PCNX1: variants seen among roughly 807,000 people sequenced by gnomAD.
PCNX1 encodes pecanex 1.
A neutral mutation model predicts 242.2 loss-of-function variants in PCNX1; 78 were observed. That is an observed-to-expected ratio of 0.32 (90% CI 0.27 to 0.39). The LOEUF is 0.39. PCNX1 is among the 10% of genes least tolerant of loss of function. The pLI is 1.00. For missense variants in PCNX1, 2,581 were observed against 2,856.5 expected, an observed-to-expected ratio of 0.90 and a Z score of 2.20; for synonymous variants, 1,024 against 1,032.9, an observed-to-expected ratio of 0.99 and a Z score of 0.17.
chr14:70,991,327 C>T (rs2059159744), intron 7 of PCNX1, among the ~76,000 whole-genome samples: 1 of 151,834 alleles, frequency 6.6e-6, no homozygotes, highest in African/African-American at 2.4e-5. Flanking sequence ...GGCTCAGCCT[C>T]CTGAGTAGCT....
At chr14:70,979,442 C>T (rs990398291) in intron 6 of PCNX1, among the ~76,000 whole-genome samples, 1 of 150,826 alleles carries the variant, frequency 6.6e-6, no homozygotes, top group African/African-American at 2.4e-5. Context: ...TTATTTCTTG[C>T]TGTGTTCTTC....
rs755088330 is a variant in PCNX1 at position 71,103,612 on chromosome 14, T to C, written c.6038T>C (p.Leu2013Pro). Residue 2013 changes from leucine (L) to proline (P), a missense_variant, in exon 32 of 36, where the codon CTT becomes CCT. By Grantham distance (98) the Leu-to-Pro change is moderately conservative. Transcript: ENST00000304743. ...SDSHEQLKDILGGPISLGNIR... is the reference protein window; with the variant it reads ...SDSHEQLKDIPGGPISLGNIR... ...AGCCACGAACAGCTTAAAGACATTC[T>C]TGGGGGTCCTATCAGCTTGGGAAAT... The C allele has an allele frequency of 1.2e-6, 2 of 1,614,186 alleles. No homozygotes were observed. The highest frequency in any genetic ancestry group is 4.5e-5 in the East Asian group (2 of 44,878).
chr14:70,986,862 T>G (rs2059016701), intron 6 of PCNX1, among the ~76,000 whole-genome samples: 1 of 152,198 alleles, frequency 6.6e-6, no homozygotes, highest in East Asian at 1.9e-4. Flanking sequence ...GCATAATAGT[T>G]TGTAACAACT....
chr14:71,017,328 T>A (rs1160872134), intron 11 of PCNX1, among the ~76,000 whole-genome samples: 1 of 152,068 alleles, frequency 6.6e-6, no homozygotes, highest in East Asian at 1.9e-4. Flanking sequence ...TTTCAACAAA[T>A]GGTGGTGGAA....
intron 8 of PCNX1, among the ~76,000 whole-genome samples, chr14:70,996,949 A>G (rs1187727897): frequency 6.6e-6 from 1 of 152,144 alleles, no homozygotes; most frequent in Non-Finnish European, 1.5e-5. Context: ...ATATCGATGA[A>G]AAGTGTCATG....
chr14:71,050,477 C>A (rs1456535515), intron 22 of PCNX1, among the ~76,000 whole-genome samples, 175 bp from the exon 23 acceptor site: 1 of 152,026 alleles, frequency 6.6e-6, no homozygotes, highest in Non-Finnish European at 1.5e-5. Flanking sequence ...GAAATAAGTG[C>A]AGTGTTTAGG....
At chr14:70,968,073 T>G in intron 3 of PCNX1, 125 bp from the exon 4 acceptor site, 1 of 736,664 alleles carries the variant, frequency 1.4e-6, no homozygotes, top group African/African-American at 1.8e-5. Flanking sequence ...TCTTCTAATA[T>G]TGATAAAAAT....
At chr14:71,035,083 G>A (rs2060491820) in intron 18 of PCNX1, among the ~76,000 whole-genome samples, 1 of 152,130 alleles carries the variant, frequency 6.6e-6, no homozygotes, top group Non-Finnish European at 1.5e-5. Flanking sequence ...GTGGTGGTGT[G>A]TGCCTGTAAT....
At chr14:71,006,264 T>C (rs1295083796) in intron 8 of PCNX1, among the ~76,000 whole-genome samples, 1 of 152,024 alleles carries the variant, frequency 6.6e-6, no homozygotes, top group Non-Finnish European at 1.5e-5. Flanking sequence ...TGAGATTTAC[T>C]GGCATGAGCT....
At chr14:70,983,623 T>C (rs759102724) in intron 6 of PCNX1, among the ~76,000 whole-genome samples, 1 of 151,638 alleles carries the variant, frequency 6.6e-6, no homozygotes, top group East Asian at 1.9e-4. Flanking sequence ...ATTTTGTTAC[T>C]GTTTGCTCTG....
chr14:71,027,783 G>T (rs2060276967), intron 15 of PCNX1, among the ~76,000 whole-genome samples: 1 of 151,938 alleles, frequency 6.6e-6, no homozygotes, highest in African/African-American at 2.4e-5. Flanking sequence ...TTTTGAAGGG[G>T]TATGAATTAA....
chr14:70,978,717 C>A, intron 6 of PCNX1, 69 bp downstream of exon 6: 1 of 1,321,072 alleles, frequency 7.6e-7, no homozygotes, highest in Non-Finnish European at 1.0e-6. Context: ...TAGAGTAGTA[C>A]TTACTAAAAT....
chr14:71,036,241 C>T (rs1566730082), intron 19 of PCNX1, 84 bp downstream of exon 19: 10 of 851,282 alleles, frequency 1.2e-5, no homozygotes, highest in Admixed American at 3.6e-5. Context: ...TGCAGTGTTG[C>T]GATCACAGTT....
At chr14:71,059,449 T>A (rs947502250) in intron 26 of PCNX1, among the ~76,000 whole-genome samples, 75 of 152,220 alleles carry the variant, frequency 4.9e-4, no homozygotes, top group African/African-American at 1.8e-3. Flanking sequence ...AGTGGCGTGA[T>A]CACAGCTCAC....
At chr14:71,085,612 G>GA (rs1416422095) in intron 28 of PCNX1, 2 of 155,382 alleles carry the variant, frequency 1.3e-5, no homozygotes, top group Admixed American at 1.3e-4. Context: ...TTCGAGGGGA[G>GA]GTATGCAATC....
At chr14:70,928,134 C>T (rs1428820022) in intron 1 of PCNX1, among the ~76,000 whole-genome samples, 1 of 151,928 alleles carries the variant, frequency 6.6e-6, no homozygotes, top group Non-Finnish European at 1.5e-5. Context: ...TTTGTGCTTG[C>T]TTATTATACT....
chr14:70,964,850 G>A (rs1187007599), intron 3 of PCNX1, among the ~76,000 whole-genome samples: 1 of 152,104 alleles, frequency 6.6e-6, no homozygotes, highest in Non-Finnish European at 1.5e-5. Flanking sequence ...TGTGCTACTT[G>A]GATTTTAGTG....
At chr14:70,997,969 C>T (rs896297873) in intron 8 of PCNX1, among the ~76,000 whole-genome samples, 1 of 152,120 alleles carries the variant, frequency 6.6e-6, no homozygotes, top group African/African-American at 2.4e-5. Flanking sequence ...AGGATTGCTT[C>T]CTTCCAAATT....
intron 1 of PCNX1, among the ~76,000 whole-genome samples, chr14:70,927,786 C>G (rs1209042592): frequency 6.6e-6 from 1 of 151,910 alleles, no homozygotes; most frequent in Admixed American, 6.6e-5. Context: ...GACAGTTTCA[C>G]CATGTTGGCC....
Sources: gnomAD v4.1 joint callset for allele counts (sites outside exome capture counted in the v4.1 genomes callset) on GRCh38, gnomAD v4.1.1 for gene constraint, MANE v1.5 for transcripts, NCBI Gene and HGNC (gene_info 2026-07-23, HGNC 2026-07-21) for gene names.